The following NCOR2 variants were observed in gnomAD, a reference collection of about 807,000 sequenced individuals.
The protein encoded by NCOR2 is nuclear receptor corepressor 2, also known as CTG repeat protein 26.
Under a neutral mutation model 262.9 loss-of-function variants are expected in NCOR2, and 81 were observed. The observed-to-expected ratio is 0.31, with a 90% CI of 0.26 to 0.37. The LOEUF is 0.37. NCOR2 is among the 10% of genes least tolerant of loss of function. The pLI is 1.00. For synonymous variants in NCOR2, 1,659 were observed against 1,559.3 expected (o/e 1.06, Z -1.51); for missense variants, 3,385 against 3,621.4 (o/e 0.93, Z 1.68).
At chr12:124,542,241 C>G (rs1158275350) in intron 1 of NCOR2, among the ~76,000 whole-genome samples, 1 of 152,048 alleles carries the variant, frequency 6.6e-6, no homozygotes, top group Non-Finnish European at 1.5e-5. Context: ...GGGCCATTGC[C>G]TCGGGGCTCC....
chr12:124,335,396 C>A, intron 39 of NCOR2, 87 bp downstream of exon 41: 3 of 1,521,218 alleles, frequency 2.0e-6, no homozygotes, highest in Non-Finnish European at 2.6e-6. Flanking sequence ...GGCCTTTAGG[C>A]ACCTCTGTTT....
At chr12:124,362,168 G>T in exon 22 of NCOR2, 1 of 1,306,486 alleles carries the variant, frequency 7.7e-7, no homozygotes, top group Non-Finnish European at 9.7e-7. Flanking sequence ...CTCTTGCCCC[G>T]GGGGCTGCTG....
chr12:124,329,560 T>C (rs1354465787), intron 44 of NCOR2, among the ~76,000 whole-genome samples: 2 of 152,090 alleles, frequency 1.3e-5, no homozygotes, highest in Admixed American at 6.6e-5. Flanking sequence ...GGGTAACATA[T>C]TGAGAGCCTG....
chr12:124,355,322 T>G (rs920845378), intron 24 of NCOR2, 110 bp downstream of exon 26: 1 of 1,366,588 alleles, frequency 7.3e-7, no homozygotes. Context: ...TGAGTGGAGA[T>G]GACCCAGGCC....
intron 16 of NCOR2, chr12:124,388,793 C>G (rs370522701): frequency 3.6e-5 from 47 of 1,298,666 alleles, no homozygotes; most frequent in East Asian, 5.6e-5. Context: ...CGGCCGCGGT[C>G]GGCTCTGCGA....
rs376336780 is a variant in NCOR2 at position 124,334,387 on chromosome 12, G to A, written c.6605+37C>T. 8.8e-5 allele frequency: 130 copies of A among 1,470,508 alleles called. 1 individual carries two copies. The East Asian group carries it at 2.5e-3, about 28-fold the overall frequency. The allele number at this position is 1,470,508 out of a possible 1,614,324, so 91.1% of individuals were successfully genotyped here. Reference sequence around the variant, plus strand: ...AGGCAGCTGACGAAGGCCTCCCGCCGGCTGACCAGCAAGAGGCACCCCCAT... The same window carrying A: ...AGGCAGCTGACGAAGGCCTCCCGCCAGCTGACCAGCAAGAGGCACCCCCAT... On this transcript the variant is annotated intron_variant, in intron 41 of 46. Transcript: ENST00000405201.
chr12:124,513,863 A>G (rs992595294), intron 1 of NCOR2: 5 of 152,206 alleles, frequency 3.3e-5, no homozygotes, highest in Non-Finnish European at 7.3e-5. Flanking sequence ...AGTGGCAGTC[A>G]GAGAAAAAGC....
At chr12:124,355,406 C>G in intron 24 of NCOR2, 26 bp downstream of exon 26, 1 of 1,611,854 alleles carries the variant, frequency 6.2e-7, no homozygotes, top group East Asian at 2.2e-5. Context: ...GACTAAGCCC[C>G]CAAGAAAGGA....
chr12:124,450,347 G>A (rs1195006061), intron 6 of NCOR2, among the ~76,000 whole-genome samples: 1 of 152,230 alleles, frequency 6.6e-6, no homozygotes, highest in Non-Finnish European at 1.5e-5. Flanking sequence ...GGGGTGACAG[G>A]AAGGCTGGCA....
At chr12:124,341,795 A>G (rs1469259836) in intron 34 of NCOR2, 28 bp downstream of exon 36, 1 of 1,579,068 alleles carries the variant, frequency 6.3e-7, no homozygotes, top group Admixed American at 1.7e-5. Context: ...GGCCAAACCC[A>G]GCGGAGGTGG....
chr12:124,455,080 T>C (rs2045765667), intron 6 of NCOR2, among the ~76,000 whole-genome samples: 1 of 152,200 alleles, frequency 6.6e-6, no homozygotes, highest in African/African-American at 2.4e-5. Context: ...ATTCCATTTA[T>C]AGGAAATGTC....
At position 124,448,148 on chromosome 12, in the gene NCOR2, T is replaced by A. The variant is rs1038316878; in HGVS notation, c.815+1667A>T. On this transcript the variant is annotated intron_variant, in intron 7 of 46. Coordinates refer to ENST00000405201, the Ensembl canonical transcript of NCOR2. ...CAGCAGGCTCTCAATAAAGATGGGA[T>A]GAATGAATGAGGGAATGCCCCAAAC... Among the ~76,000 whole-genome samples, 5 of 152,184 alleles carry A rather than the reference T, an allele frequency of 3.3e-5. 1 individual carries two copies. In the South Asian group the frequency reaches 1.0e-3, roughly 31 times the overall value.
At chr12:124,479,369 TCA>T (rs2047289307) in intron 3 of NCOR2, among the ~76,000 whole-genome samples, 2 of 148,988 alleles carry the variant, frequency 1.3e-5, no homozygotes, top group East Asian at 2.0e-4. Context: ...ACATGCACAC[TCA>T]CGCACACACA....
chr12:124,406,042 A>T (rs925437783), intron 13 of NCOR2, among the ~76,000 whole-genome samples: 2 of 152,208 alleles, frequency 1.3e-5, no homozygotes, highest in Non-Finnish European at 2.9e-5. Context: ...AGGCGTTCGT[A>T]TGTTAAATTC....
chr12:124,543,027 C>T (rs1253899322), intron 1 of NCOR2, among the ~76,000 whole-genome samples: 4 of 135,680 alleles, frequency 2.9e-5, no homozygotes, highest in African/African-American at 1.1e-4. Flanking sequence ...TGGACTGCAA[C>T]AGCCAAGGGC....
In NCOR2 at chr12:124,438,178, C is replaced by T. The variant is rs576725265; in HGVS notation, c.816-182G>A. On this transcript the variant is annotated intron_variant, in intron 7 of 46. Coordinates refer to ENST00000405201, the Ensembl canonical transcript of NCOR2. ...GAGCTGCCAACGTGCATCCTTACTC[C>T]CCCGCGCGCGAGGCAGCCCCCGCCA... Among the ~76,000 whole-genome samples, 9 of 152,228 alleles carry T rather than the reference C, an allele frequency of 5.9e-5. 1 individual carries two copies. Among genetic ancestry groups the T allele is most frequent in the African/African-American group, 2.2e-4 (9 of 41,552 alleles).
At chr12:124,508,658 G>A (rs1358992775) in intron 1 of NCOR2, among the ~76,000 whole-genome samples, 1 of 152,330 alleles carries the variant, frequency 6.6e-6, no homozygotes, top group Admixed American at 6.5e-5. Flanking sequence ...CAGGGTCCAC[G>A]TGGGGCAGGG....
At chr12:124,431,166 A>G (rs1415779258) in intron 8 of NCOR2, among the ~76,000 whole-genome samples, 1 of 146,726 alleles carries the variant, frequency 6.8e-6, no homozygotes, top group Non-Finnish European at 1.5e-5. Flanking sequence ...ACAGACACAC[A>G]CAGATACACA....
At chr12:124,426,009 A>C (rs931620035) in intron 11 of NCOR2, among the ~76,000 whole-genome samples, 6 of 152,164 alleles carry the variant, frequency 3.9e-5, no homozygotes, top group African/African-American at 1.4e-4. Flanking sequence ...ACAAAATAGA[A>C]ACCACCAAAA....
Sources: gnomAD v4.1 joint callset for allele counts (sites outside exome capture counted in the v4.1 genomes callset) on GRCh38, gnomAD v4.1.1 for gene constraint, MANE v1.5 for transcripts, NCBI Gene and HGNC (gene_info 2026-07-23, HGNC 2026-07-21) for gene names.